Variants in DOCK7 observed in about 807,000 individuals in gnomAD.
DOCK7 encodes dedicator of cytokinesis protein 7.
Under a neutral mutation model 271.0 loss-of-function variants are expected in DOCK7, and 138 were observed. That is an observed-to-expected ratio of 0.51 (90% CI 0.44 to 0.59). The LOEUF (loss-of-function observed/expected upper bound fraction) is 0.59. Among genes scored for constraint, DOCK7 ranks in the 20% least tolerant of loss-of-function variants. DOCK7 has a pLI of 0.00. For missense variants in DOCK7, 2,066 were observed against 2,592.4 expected (o/e 0.80, Z 4.41); for synonymous variants, 823 against 876.1 (o/e 0.94, Z 1.07).
At chr1:62,657,945 T>C (rs979974933) in intron 2 of DOCK7, among the ~76,000 whole-genome samples, 5 of 151,890 alleles carry the variant, frequency 3.3e-5, no homozygotes, top group African/African-American at 4.8e-5. Flanking sequence ...AAATATCCAA[T>C]ACTGGCATCA....
intron 35 of DOCK7, among the ~76,000 whole-genome samples, chr1:62,507,365 C>G (rs1646973305): frequency 6.6e-6 from 1 of 152,194 alleles, no homozygotes. Flanking sequence ...TATTTAACAT[C>G]TTTGTGCCTA....
intron 22 of DOCK7, among the ~76,000 whole-genome samples, chr1:62,550,919 C>T (rs1295351076): frequency 6.6e-6 from 1 of 152,022 alleles, no homozygotes. Context: ...CGAGGTTTCA[C>T]CATGTTGGCC....
chr1:62,499,997 G>C (rs1287414896), intron 37 of DOCK7, among the ~76,000 whole-genome samples: 1 of 150,694 alleles, frequency 6.6e-6, no homozygotes, highest in Non-Finnish European at 1.5e-5. Context: ...CATCCAGAAA[G>C]TTTAGGCAGT....
At chr1:62,531,630 C>A (rs1054003648) in intron 29 of DOCK7, among the ~76,000 whole-genome samples, 2 of 152,136 alleles carry the variant, frequency 1.3e-5, no homozygotes, top group Non-Finnish European at 2.9e-5. Flanking sequence ...AAGAGCAAAT[C>A]TTTCATTAAT....
intron 1 of DOCK7, chr1:62,687,482 G>A (rs1202605070): frequency 6.6e-6 from 1 of 152,026 alleles, no homozygotes; most frequent in Non-Finnish European, 1.5e-5. Flanking sequence ...CCATCTTCTC[G>A]GGTGCTCTGA....
intron 2 of DOCK7, among the ~76,000 whole-genome samples, chr1:62,656,987 G>T (rs778592713): frequency 5.3e-5 from 8 of 152,184 alleles, no homozygotes; most frequent in Admixed American, 2.0e-4. Context: ...CACAAGTAGG[G>T]TGTTGGGATT....
chr1:62,540,950 C>A, intron 25 of DOCK7, among the ~76,000 whole-genome samples: 1 of 152,138 alleles, frequency 6.6e-6, no homozygotes, highest in East Asian at 1.9e-4. Context: ...TATATATAGT[C>A]CCTGATTTAT....
intron 10 of DOCK7, among the ~76,000 whole-genome samples, chr1:62,632,436 A>G (rs1253978303): frequency 1.3e-5 from 2 of 152,316 alleles, no homozygotes; most frequent in South Asian, 4.1e-4. Context: ...CAAGAAAAAA[A>G]TATCATGTGC....
intron 2 of DOCK7, 66 bp downstream of exon 2, chr1:62,662,959 A>G: frequency 7.8e-7 from 1 of 1,288,310 alleles, no homozygotes; most frequent in Non-Finnish European, 1.1e-6. Context: ...TTATCTTTCC[A>G]CTATTTTTTC....
chr1:62,572,536 G>T (rs1227582737), intron 18 of DOCK7, among the ~76,000 whole-genome samples: 1 of 152,192 alleles, frequency 6.6e-6, no homozygotes, highest in East Asian at 1.9e-4. Context: ...TTTTCTCACA[G>T]TTCTGGAGAC....
intron 22 of DOCK7, among the ~76,000 whole-genome samples, chr1:62,548,712 C>T (rs534663395): frequency 3.9e-5 from 6 of 152,268 alleles, no homozygotes; most frequent in Admixed American, 2.6e-4. Flanking sequence ...TGAGCCACCA[C>T]GCCCAGCCAT....
chr1:62,637,436 A>AAT lies in DOCK7; in HGVS notation c.819-835_819-834dup, dbSNP rs542137183. Among the ~76,000 whole-genome samples, 529 of 152,336 alleles carry AAT rather than the reference A, an allele frequency of 3.5e-3. 1 individual carries two copies. Among genetic ancestry groups the AAT allele is most frequent in the Non-Finnish European group, 6.0e-3 (410 of 68,020 alleles). On this transcript the variant is annotated intron_variant, in intron 7 of 49. Transcript: ENST00000635253. ...TTTTGCCCCCAAGGGAACATTTGGC[A>AAT]ATACCTACATACATTTTTGGTTATC... is the stretch of plus-strand genomic sequence containing the variant.
intron 30 of DOCK7, 67 bp downstream of exon 30, chr1:62,529,210 A>G: frequency 7.2e-7 from 1 of 1,390,468 alleles, no homozygotes; most frequent in South Asian, 1.7e-5. Flanking sequence ...TTCATCCTTG[A>G]GATATTTTCT....
At chr1:62,604,878 C>T in intron 14 of DOCK7, 2 of 1,307,136 alleles carry the variant, frequency 1.5e-6, no homozygotes, top group Admixed American at 1.8e-5. Flanking sequence ...TTAATGTGGT[C>T]TAATAATCTG....
At chr1:62,561,987 T>G (rs531061863) in intron 18 of DOCK7, among the ~76,000 whole-genome samples, 1 of 151,462 alleles carries the variant, frequency 6.6e-6, no homozygotes, top group African/African-American at 2.4e-5. Context: ...CCTTCATATA[T>G]GTACATATAT....
chr1:62,475,097 C>T (rs889658311), intron 47 of DOCK7, 111 bp downstream of exon 47: 1 of 1,207,824 alleles, frequency 8.3e-7, no homozygotes, highest in South Asian at 2.0e-5. Flanking sequence ...AAAATACAGG[C>T]AGTAGAGAAG....
At chr1:62,466,194 TTTG>T (rs1264336409) in intron 48 of DOCK7, among the ~76,000 whole-genome samples, 15 of 152,140 alleles carry the variant, frequency 9.9e-5, no homozygotes, top group Admixed American at 2.6e-4. Context: ...CAGGTTTTTT[TTTG>T]TTGTTGTTGT....
chr1:62,553,239 T>C (rs1645975573), intron 21 of DOCK7, among the ~76,000 whole-genome samples: 1 of 144,640 alleles, frequency 6.9e-6, no homozygotes, highest in African/African-American at 2.5e-5. Flanking sequence ...TTCACCATGT[T>C]GGCCAGGCTG....
chr1:62,494,681 G>C, intron 39 of DOCK7: 2 of 345,094 alleles, frequency 5.8e-6, no homozygotes, highest in Non-Finnish European at 1.0e-5. Context: ...GGCAGGAGGG[G>C]CAAAAAAGAA....
Sources: allele counts gnomAD v4.1 joint callset (sites outside exome capture counted in the v4.1 genomes callset), GRCh38; gene constraint gnomAD v4.1.1; transcripts MANE v1.5; gene names NCBI Gene and HGNC (gene_info 2026-07-23, HGNC 2026-07-21).